PFKFB3: variants seen among roughly 807,000 people sequenced by gnomAD.
The protein encoded by PFKFB3 is 6-phosphofructo-2-kinase/fructose-2,6-bisphosphatase 3.
In PFKFB3, 33 loss-of-function variants were observed where a neutral mutation model predicts 68.0. The observed-to-expected ratio is 0.49, with a 90% CI of 0.37 to 0.65. PFKFB3 has a LOEUF of 0.65. PFKFB3 is among the 30% of genes least tolerant of loss of function. PFKFB3 has a pLI of 0.00. For synonymous variants in PFKFB3, 315 were observed against 288.2 expected (o/e 1.09, Z -0.94); for missense variants, 586 against 712.2 (o/e 0.82, Z 2.02).
intron 14 of PFKFB3, among the ~76,000 whole-genome samples, chr10:6,248,006 A>T (rs1433251927): frequency 2.6e-5 from 4 of 152,236 alleles, no homozygotes; most frequent in African/African-American, 4.8e-5. Flanking sequence ...AGCAGGCAAT[A>T]AATCAGGTAA....
In PFKFB3 at chr10:6,226,336, C is replaced by T; in HGVS notation, c.1486C>T (p.Pro496Ser). Residue 496 changes from proline (P) to serine (S), a missense_variant, in exon 14 of 15, where the codon CCG becomes TCG. By Grantham distance (74) the Pro-to-Ser change is moderately conservative. Transcript: ENST00000379775. ...GGCCGCCCTGCCCAGCTGCCTGCCC[C>T]CGGAGGTGCCCACGCAGCTGCCTGG... ...TSAALPSCLPPEVPTQLPGQN... is the reference protein window; with the variant it reads ...TSAALPSCLPSEVPTQLPGQN... 1.2e-6 allele frequency: 2 copies of T among 1,613,542 alleles called. No homozygotes were observed. The highest frequency in any genetic ancestry group is 1.7e-6 in the Non-Finnish European group (2 of 1,179,836).
At chr10:6,289,504 C>T in the PFKFB3 span, among the ~76,000 whole-genome samples, 1 of 152,066 alleles carries the variant, frequency 6.6e-6, no homozygotes, top group Non-Finnish European at 1.5e-5. Context: ...TGTCAAAGAT[C>T]AGATAGTTGT....
chr10:6,276,021 G>A, the PFKFB3 span, among the ~76,000 whole-genome samples: 2 of 152,170 alleles, frequency 1.3e-5, no homozygotes, highest in East Asian at 1.9e-4. Context: ...CCAATTCATG[G>A]CACCTTGTAT....
downstream of PFKFB3, among the ~76,000 whole-genome samples, chr10:6,239,476 G>C (rs1259352765): frequency 6.6e-6 from 1 of 152,160 alleles, no homozygotes; most frequent in Admixed American, 6.6e-5. Context: ...TAGCAAGCAG[G>C]GTTTCCTGTC....
intron 14 of PFKFB3, among the ~76,000 whole-genome samples, chr10:6,246,932 C>G (rs372220111): frequency 6.6e-6 from 1 of 152,196 alleles, no homozygotes; most frequent in Non-Finnish European, 1.5e-5. Flanking sequence ...ACCTGAGATG[C>G]AACAGCTTGC....
chr10:6,323,004 G>T, the PFKFB3 span, among the ~76,000 whole-genome samples: 3 of 152,222 alleles, frequency 2.0e-5, no homozygotes, highest in African/African-American at 7.2e-5. Flanking sequence ...CTGTTACATT[G>T]TCAGTACTTA....
At chr10:6,249,765 T>C (rs927902423) in intron 14 of PFKFB3, among the ~76,000 whole-genome samples, 1 of 148,970 alleles carries the variant, frequency 6.7e-6, no homozygotes, top group Non-Finnish European at 1.5e-5. Flanking sequence ...GTGTGTGTGA[T>C]ATTGTACAGC....
At chr10:6,240,289 G>A (rs11597430), downstream of PFKFB3, among the ~76,000 whole-genome samples, 3,654 of 152,156 alleles carry the variant, frequency 0.024, 70 homozygotes, top group Non-Finnish European at 0.04. Context: ...TTTTGAGATG[G>A]AGTCTCGCTT....
At chr10:6,176,080 T>C (rs118106776) in intron 1 of PFKFB3, among the ~76,000 whole-genome samples, 1,684 of 152,172 alleles carry the variant, frequency 0.011, 68 homozygotes, top group East Asian at 0.1. Flanking sequence ...GTTCCATCAG[T>C]GTGGAGAAGT....
chr10:6,258,564 A>C (rs1846511718), downstream of PFKFB3, among the ~76,000 whole-genome samples: 1 of 152,206 alleles, frequency 6.6e-6, no homozygotes, highest in Non-Finnish European at 1.5e-5. Context: ...CTGGACTGGA[A>C]ATTGTGGCCT....
At chr10:6,324,779 T>C in the PFKFB3 span, among the ~76,000 whole-genome samples, 48 of 150,816 alleles carry the variant, frequency 3.2e-4, no homozygotes, top group African/African-American at 1.1e-3. Context: ...AATGGTTAAA[T>C]GCCAAATTTT....
chr10:6,160,842 G>A (rs982297535), intron 1 of PFKFB3, among the ~76,000 whole-genome samples: 4 of 151,636 alleles, frequency 2.6e-5, no homozygotes, highest in African/African-American at 9.7e-5. Flanking sequence ...TTGAAATTAC[G>A]TCAAAATGAG....
chr10:6,276,220 A>G, the PFKFB3 span, among the ~76,000 whole-genome samples: 2 of 152,210 alleles, frequency 1.3e-5, no homozygotes, highest in Non-Finnish European at 2.9e-5. Context: ...GGCATGCTAT[A>G]GAAATAGGAT....
chr10:6,153,068 GC>G (rs1181290129), intron 1 of PFKFB3, among the ~76,000 whole-genome samples: 5 of 152,028 alleles, frequency 3.3e-5, no homozygotes, highest in Admixed American at 2.0e-4. Flanking sequence ...TGTAATCCCA[GC>G]TACTCGGGAG....
chr10:6,148,742 C>T (rs1841480834), intron 1 of PFKFB3, among the ~76,000 whole-genome samples: 2 of 152,156 alleles, frequency 1.3e-5, no homozygotes, highest in South Asian at 4.1e-4. Context: ...AATGGAGGGA[C>T]GCTGGGGCAG....
At position 6,146,957 on chromosome 10, in the gene PFKFB3, G is replaced by C. The variant is rs79733772; in HGVS notation, c.16+1944G>C. ...CCCAGAGTGTAAGAAACTGTTGCTT[G>C]GCATAAGTGCTGTCTGCGTTTCCCG... On this transcript the variant is annotated intron_variant, in intron 1 of 14. Coordinates refer to the PFKFB3 transcript ENST00000379789. 7.0e-3 allele frequency among the ~76,000 whole-genome samples: 1,062 copies of C among 152,372 alleles called. 19 individuals are homozygous for C. Among genetic ancestry groups the C allele is most frequent in the African/African-American group, 0.024 (1,000 of 41,586 alleles).
chr10:6,275,708 C>A, the PFKFB3 span, among the ~76,000 whole-genome samples: 1 of 152,172 alleles, frequency 6.6e-6, no homozygotes, highest in Non-Finnish European at 1.5e-5. This position sits in a 1 kb window ranked among gnomAD's most constrained non-coding sequence, Gnocchi z 4.9. Flanking sequence ...CTGCAACCTC[C>A]GCTTCCCGGG....
At chr10:6,169,183 C>T (rs1385587483) in intron 1 of PFKFB3, among the ~76,000 whole-genome samples, 1 of 152,126 alleles carries the variant, frequency 6.6e-6, no homozygotes, top group Admixed American at 6.5e-5. Context: ...CTCAAGTGAT[C>T]CCCCCGCCTC....
the PFKFB3 span, among the ~76,000 whole-genome samples, chr10:6,285,584 C>G: frequency 6.6e-6 from 1 of 152,154 alleles, no homozygotes; most frequent in African/African-American, 2.4e-5. Flanking sequence ...GTGAGATCTA[C>G]CCTCTTATCA....
Sources: allele counts gnomAD v4.1 joint callset (sites outside exome capture counted in the v4.1 genomes callset), GRCh38; gene constraint gnomAD v4.1.1; non-coding constraint Gnocchi (gnomAD v3.1); transcripts MANE v1.5; gene names NCBI Gene and HGNC (gene_info 2026-07-23, HGNC 2026-07-21).